The following PHYHIP variants were observed in gnomAD, a reference collection of about 807,000 sequenced individuals.
The protein encoded by PHYHIP is phytanoyl-CoA hydroxylase-interacting protein.
In PHYHIP, 7 loss-of-function variants were observed where a neutral mutation model predicts 26.1. The ratio of observed to expected loss-of-function variants is 0.27; its 90% CI spans 0.15 to 0.50. The LOEUF (loss-of-function observed/expected upper bound fraction) is 0.50, where lower values mean the gene tolerates loss of function less well. PHYHIP is among the 20% of genes least tolerant of loss of function. The pLI is 0.98. For synonymous variants in PHYHIP, 206 were observed against 183.4 expected, an observed-to-expected ratio of 1.12 and a Z score of -1.00; for missense variants, 232 against 454.7, an observed-to-expected ratio of 0.51 and a Z score of 4.45.
In PHYHIP at chr8:22,220,090, A is replaced by G. The variant is rs1343740493; in HGVS notation, c.*1263T>C. 1 of 152,342 alleles carries G rather than the reference A, an allele frequency of 6.6e-6. No individual in the cohort carries two copies. The highest frequency in any genetic ancestry group is 2.4e-5 in the African/African-American group (1 of 41,444). The allele number at this position is 152,342 out of a possible 1,614,324, so 9.4% of individuals were successfully genotyped here. A position where few individuals can be genotyped will look rare whatever the true frequency, so the allele number is the denominator to read the frequency against. On this transcript the variant is annotated 3_prime_UTR_variant, in exon 5 of 5. Transcript: ENST00000454243. Reference sequence around the variant, plus strand: ...CATCTCTGTCACCTCTGAGAAAGTCACTGTGAGGCTGCACTCTCCTCTGCC... The same window carrying G: ...CATCTCTGTCACCTCTGAGAAAGTCGCTGTGAGGCTGCACTCTCCTCTGCC...
intron 3 of PHYHIP, among the ~76,000 whole-genome samples, chr8:22,225,351 C>G (rs1257648418): frequency 6.6e-6 from 1 of 151,984 alleles, no homozygotes; most frequent in African/African-American, 2.4e-5. Context: ...GTGGCATGTG[C>G]CTGTAGTTCC....
Position 22,221,739 on chromosome 8 carries a change from G to T in PHYHIP, c.607C>A (p.Arg203Ser). 2 of 1,613,254 alleles carry T rather than the reference G, an allele frequency of 1.2e-6. No individual in the cohort carries two copies. The highest frequency in any genetic ancestry group is 1.7e-6 in the Non-Finnish European group (2 of 1,179,792). The change falls in exon 5 of 5, where the codon CGC becomes AGC. Residue 203 changes from arginine (R) to serine (S), a missense_variant. Physicochemically the swap from Arg to Ser is moderately radical, Grantham distance 110. Coordinates refer to ENST00000454243, the MANE Select transcript of PHYHIP (RefSeq NM_014759.5). This position sits in a 1 kb window ranked among gnomAD's most constrained non-coding sequence, Gnocchi z 7.9. ...GQPPQDSPYG[R>S]WRFQIPAQRL... ...TGAGCTGGGATCTGGAAGCGCCAGC[G>T]GCCGTAGGGGGAGTCCTGCGGGGGC...
intron 2 of PHYHIP, among the ~76,000 whole-genome samples, chr8:22,227,286 C>T (rs1043053721): frequency 2.6e-5 from 4 of 152,210 alleles, no homozygotes; most frequent in African/African-American, 7.2e-5. Context: ...AAGTTGAGGA[C>T]GGCAAGGCCT....
intron 3 of PHYHIP, among the ~76,000 whole-genome samples, chr8:22,225,071 G>T (rs560846658): frequency 6.6e-6 from 1 of 152,260 alleles, no homozygotes; most frequent in African/African-American, 2.4e-5. Flanking sequence ...GGACTGGATT[G>T]CAGCCAGATC....
intron 1 of PHYHIP, among the ~76,000 whole-genome samples, chr8:22,229,297 G>C (rs575267523): frequency 2.5e-4 from 38 of 152,332 alleles, no homozygotes; most frequent in African/African-American, 8.9e-4. Flanking sequence ...ATGTGTGGGG[G>C]TGGAGGGGCA....
chr8:22,224,137 G>A, intron 4 of PHYHIP, 89 bp downstream of exon 4: 1 of 792,572 alleles, frequency 1.3e-6, no homozygotes, highest in Non-Finnish European at 2.2e-6. Flanking sequence ...CACGAGGGTG[G>A]GGGTGACCTC....
At chr8:22,223,925 T>C in intron 4 of PHYHIP, 1 of 303,864 alleles carries the variant, frequency 3.3e-6, no homozygotes, top group South Asian at 4.9e-5. Flanking sequence ...CCTGTGGTGG[T>C]AGACCCCTGT....
chr8:22,221,191 A>C lies in PHYHIP; in HGVS notation c.*162T>G. 2.2e-5 allele frequency: 14 copies of C among 646,748 alleles called. No individual in the cohort carries two copies. Among genetic ancestry groups the C allele is most frequent in the Non-Finnish European group, 3.3e-5 (13 of 389,358 alleles). The allele number at this position is 646,748 out of a possible 1,614,324, so 40.1% of individuals were successfully genotyped here. ...GGTGTGGGCCACACTTACCAAGAGG[A>C]CCACCGTCTGTTGCCTCCAATGCCA... On this transcript the variant is annotated 3_prime_UTR_variant, in exon 5 of 5. Transcript: ENST00000454243. The surrounding 1 kb of genome is among the most constrained non-coding windows in gnomAD (Gnocchi z 7.9).
Position 22,226,921 on chromosome 8 carries a change from C to T in PHYHIP, c.270G>A (p.Thr90=), listed in dbSNP as rs368939225. Residue 90 remains threonine, a synonymous_variant, in exon 3 of 5, where the codon ACG becomes ACA. Transcript: ENST00000454243. The part of the protein sequence containing the change: ...PRTEYSVAVQ[T]AVKQSDGEYL... ...ACTCCCCATCGCTCTGCTTCACTGC[C>T]GTCTGCACGGCCACACTGTACTCCG... 1.4e-5 allele frequency: 23 copies of T among 1,614,046 alleles called. No individual in the cohort carries two copies. The highest frequency in any genetic ancestry group is 1.1e-4 in the East Asian group (5 of 44,896).
In PHYHIP at chr8:22,228,277, C is replaced by T. The variant is rs1417250557; in HGVS notation, c.81G>A (p.Glu27=). 1.2e-6 allele frequency: 2 copies of T among 1,612,652 alleles called. No individual in the cohort carries two copies. Residue 27 remains glutamate (E), a synonymous_variant, in exon 2 of 5, where the codon GAG becomes GAA. Transcript: ENST00000454243. ...CDSFRISWAM[E]DSDLERVTHY... is the part of the protein sequence containing the mutation. Reference sequence around the variant, plus strand: ...GGGTGACCCTCTCCAGGTCACTGTCCTCCATGGCCCAGGAGATGCGGAAGG... The same window carrying T: ...GGGTGACCCTCTCCAGGTCACTGTCTTCCATGGCCCAGGAGATGCGGAAGG...
chr8:22,223,360 CAAAAA>C (rs750178076), intron 4 of PHYHIP, among the ~76,000 whole-genome samples: 1 of 62,060 alleles, frequency 1.6e-5, no homozygotes, highest in Non-Finnish European at 3.7e-5. Flanking sequence ...GACGCCATCT[CAAAAA>C]AAAAAAAAAA....
In PHYHIP at chr8:22,228,349, C is replaced by G. The variant is rs1829794194; in HGVS notation, c.9G>C (p.Leu3=). 6.3e-7 allele frequency: 1 copy of G among 1,592,792 alleles called. No individual in the cohort carries two copies. The highest frequency in any genetic ancestry group is 8.6e-7 in the Non-Finnish European group (1 of 1,169,546). The stretch of plus-strand genomic sequence containing the variant: ...TCTCAATGCTGTGGGGCGTGGACAG[C>G]AGCTCCATGCTCCCGTCAGGGTTGT... ME[L]LSTPHSIEIN... The change falls in exon 2 of 5, where the codon CTG becomes CTC. Residue 3 remains leucine (L), a synonymous_variant. Transcript: ENST00000454243.
intron 2 of PHYHIP, 87 bp downstream of exon 2, chr8:22,228,106 C>G: frequency 1.8e-6 from 2 of 1,141,008 alleles, no homozygotes; most frequent in African/African-American, 3.1e-5. Context: ...GCCTCTGACT[C>G]CAAGCCATCA....
Position 22,231,789 on chromosome 8 carries a change from T to A in PHYHIP, c.-30+7A>T, listed in dbSNP as rs1478594152. On this transcript the variant is annotated splice_region_variant and intron_variant, in intron 1 of 4. Transcript: ENST00000454243. The stretch of plus-strand genomic sequence containing the variant: ...AGCAGCAGGTTCCAGGGAGGAAGGG[T>A]ACTCACCTGGCTCCACTGGGCTCTG... 1.3e-5 allele frequency: 2 copies of A among 152,270 alleles called. No homozygotes were observed. Among genetic ancestry groups the A allele is most frequent in the South Asian group, 2.1e-4 (1 of 4,826 alleles). 9.4% of individuals were successfully genotyped at this position (152,270 alleles called of 1,614,324 possible). A position where few individuals can be genotyped will look rare whatever the true frequency, so the allele number is the denominator to read the frequency against.
chr8:22,224,850 T>C (rs1829710862), intron 3 of PHYHIP, among the ~76,000 whole-genome samples: 1 of 151,930 alleles, frequency 6.6e-6, no homozygotes. Flanking sequence ...CCAGGCAATG[T>C]TTAGGCAGTC....
Position 22,226,013 on chromosome 8 carries a change from C to G in PHYHIP, c.340+838G>C, listed in dbSNP as rs1304460900. Among the ~76,000 whole-genome samples the G allele has an allele frequency of 2.0e-5, 3 of 152,050 alleles. No individual in the cohort carries two copies. In the East Asian group the frequency reaches 5.8e-4, roughly 29 times the overall value. On this transcript the variant is annotated intron_variant, in intron 3 of 4. Coordinates refer to ENST00000454243, the MANE Select transcript of PHYHIP (RefSeq NM_014759.5). ...ACCGTGAACACCAAAAGAATGTAAT[C>G]TTGTGGGGGCAGACCCTGAGTCGTG...
intron 3 of PHYHIP, 84 bp downstream of exon 3, chr8:22,226,767 T>A: frequency 7.6e-7 from 1 of 1,317,068 alleles, no homozygotes; most frequent in Non-Finnish European, 1.1e-6. Flanking sequence ...CAGTGTTTGC[T>A]GGACTACGAG....
rs892915073 is a variant in PHYHIP, at chr8:22,221,942, G to A, written c.459-55C>T. On this transcript the variant is annotated intron_variant, in intron 4 of 4. Transcript: ENST00000454243. This position sits in a 1 kb window ranked among gnomAD's most constrained non-coding sequence, Gnocchi z 7.9. ...GAAGAGAAGATGTGGCTGGTGAGCC[G>A]GGCTGAGGCTTGGCTGCTGCGTGTG... is the stretch of plus-strand genomic sequence containing the variant. 39 of 1,413,904 alleles carry A rather than the reference G, an allele frequency of 2.8e-5. No individual in the cohort carries two copies. The highest frequency in any genetic ancestry group is 4.3e-5 in the African/African-American group (3 of 69,940). The allele number at this position is 1,413,904 out of a possible 1,614,324, so 87.6% of individuals were successfully genotyped here. A position where few individuals can be genotyped will look rare whatever the true frequency, so the allele number is the denominator to read the frequency against.
At chr8:22,223,231 G>A (rs903023502) in intron 4 of PHYHIP, among the ~76,000 whole-genome samples, 6 of 151,846 alleles carry the variant, frequency 4.0e-5, no homozygotes, top group Non-Finnish European at 7.4e-5. Flanking sequence ...GCATGGTGGC[G>A]CATACCTGTG....
Sources: gnomAD v4.1 joint callset for allele counts (sites outside exome capture counted in the v4.1 genomes callset) on GRCh38, gnomAD v4.1.1 for gene constraint, Gnocchi (gnomAD v3.1) non-coding constraint, MANE v1.5 for transcripts, NCBI Gene and HGNC (gene_info 2026-07-23, HGNC 2026-07-21) for gene names.